RANBP10: variants seen among roughly 807,000 people sequenced by gnomAD.
The protein encoded by RANBP10 is RAN binding protein 10, also known as ran-binding protein 10.
A neutral mutation model predicts 72.8 loss-of-function variants in RANBP10; 24 were observed. The observed-to-expected ratio is 0.33, with a 90% CI of 0.24 to 0.46. RANBP10 has a LOEUF of 0.46. Among genes scored for constraint, RANBP10 ranks in the 20% least tolerant of loss-of-function variants. The pLI, the probability that RANBP10 is intolerant of heterozygous loss-of-function variation, is 1.00. For missense variants in RANBP10, 679 were observed against 817.5 expected (o/e 0.83, Z 2.07); for synonymous variants, 310 against 322.3 (o/e 0.96, Z 0.41).
In RANBP10 at chr16:67,729,189, G is replaced by A; in HGVS notation, c.1352+91C>T. ...GCACAGACCTGAGATGGAGGCTGGG[G>A]GTGAAGGGCAGGGCGCTCAAAGGAC... On this transcript the variant is annotated intron_variant, in intron 10 of 13. Coordinates refer to ENST00000317506, the MANE Select transcript of RANBP10 (RefSeq NM_020850.3). The surrounding 1 kb of genome is among the most constrained non-coding windows in gnomAD (Gnocchi z 7.1). 3 of 1,547,604 alleles carry A rather than the reference G, an allele frequency of 1.9e-6. No individual in the cohort carries two copies. The highest frequency in any genetic ancestry group is 2.6e-6 in the Non-Finnish European group (3 of 1,147,002).
chr16:67,781,095 C>T (rs2054801504), intron 2 of RANBP10, among the ~76,000 whole-genome samples: 1 of 152,220 alleles, frequency 6.6e-6, no homozygotes, highest in South Asian at 2.1e-4. Context: ...CCAAAGCAGC[C>T]ATTCAACAGG....
intron 2 of RANBP10, among the ~76,000 whole-genome samples, chr16:67,776,937 C>A (rs986269969): frequency 6.6e-6 from 1 of 151,852 alleles, no homozygotes; most frequent in African/African-American, 2.4e-5. Flanking sequence ...TTAAGCTGGG[C>A]ACGGTGGCTC....
At chr16:67,784,343 G>A (rs1003184090) in intron 2 of RANBP10, among the ~76,000 whole-genome samples, 5 of 152,122 alleles carry the variant, frequency 3.3e-5, no homozygotes, top group African/African-American at 7.2e-5. Flanking sequence ...CCAACATGGT[G>A]AAACCCTATC....
chr16:67,734,802 A>G, intron 6 of RANBP10, 56 bp downstream of exon 6: 1 of 1,438,768 alleles, frequency 7.0e-7, no homozygotes, highest in Non-Finnish European at 9.2e-7. Flanking sequence ...AGGGGCCTAG[A>G]GTGAAGTGGG....
intron 2 of RANBP10, among the ~76,000 whole-genome samples, chr16:67,778,953 C>CGTG (rs1402067430): frequency 6.6e-6 from 1 of 151,910 alleles, no homozygotes; most frequent in Non-Finnish European, 1.5e-5. Context: ...ATCAGCTGGG[C>CGTG]GTGGTGGTGC....
chr16:67,763,909 C>A (rs2054447973), intron 3 of RANBP10, among the ~76,000 whole-genome samples: 1 of 152,148 alleles, frequency 6.6e-6, no homozygotes, highest in African/African-American at 2.4e-5. Flanking sequence ...GTTGGCCAGG[C>A]TAGTCTTGAA....
chr16:67,749,585 G>C (rs2054155580), intron 3 of RANBP10, among the ~76,000 whole-genome samples: 1 of 152,212 alleles, frequency 6.6e-6, no homozygotes, highest in Non-Finnish European at 1.5e-5. Context: ...CATCAACTCA[G>C]CTCCTAAGCT....
At position 67,730,308 on chromosome 16, in the gene RANBP10, G is replaced by C. The variant is rs1214180584; in HGVS notation, c.890-262C>G. Among the ~76,000 whole-genome samples the C allele has an allele frequency of 6.6e-6, 1 of 152,166 alleles. No individual in the cohort carries two copies. The highest frequency in any genetic ancestry group is 1.5e-5 in the Non-Finnish European group (1 of 68,024). On this transcript the variant is annotated intron_variant, in intron 7 of 13. Coordinates refer to ENST00000317506, the MANE Select transcript of RANBP10 (RefSeq NM_020850.3). The surrounding 1 kb of genome is among the most constrained non-coding windows in gnomAD (Gnocchi z 4.3). ...GCCCAAAGGCAGGAGGGTAAATGTG[G>C]AGGTCTGCTCCTGCGGGGCACATGG...
Position 67,731,466 on chromosome 16 carries a change from C to A in RANBP10, c.889+6G>T. 3 of 1,603,378 alleles carry A rather than the reference C, an allele frequency of 1.9e-6. No individual in the cohort carries two copies. The highest frequency in any genetic ancestry group is 2.6e-6 in the Non-Finnish European group (3 of 1,170,238). Reference sequence around the variant, plus strand: ...AAGGGAAAGGGGAAAGTAGAATAAACCTTACTTTGTCTGTTCTTTATGGAC... The same window carrying A: ...AAGGGAAAGGGGAAAGTAGAATAAAACTTACTTTGTCTGTTCTTTATGGAC... On this transcript the variant is annotated splice_donor_region_variant and intron_variant, in intron 7 of 13. Coordinates refer to ENST00000317506, the MANE Select transcript of RANBP10 (RefSeq NM_020850.3).
At chr16:67,733,498 T>C (rs1396558287) in intron 6 of RANBP10, among the ~76,000 whole-genome samples, 2 of 152,196 alleles carry the variant, frequency 1.3e-5, no homozygotes, top group African/African-American at 4.8e-5. Context: ...TACCTGACCT[T>C]CCACTAGAGG....
chr16:67,806,074 G>A (rs1177162808), intron 1 of RANBP10, among the ~76,000 whole-genome samples: 2 of 152,240 alleles, frequency 1.3e-5, no homozygotes, highest in Non-Finnish European at 2.9e-5. Flanking sequence ...GCCCAGCACT[G>A]GGTTTGGACA....
rs2053558396 is a variant in RANBP10 at position 67,723,416 on chromosome 16, G to A, written c.*3012C>T. On this transcript the variant is annotated 3_prime_UTR_variant, in exon 14 of 14. Coordinates refer to ENST00000317506, the MANE Select transcript of RANBP10 (RefSeq NM_020850.3). ...GCTCCGCTGCCTGGCTGCCACATGG[G>A]TGCATACCTGAGTTGTGAGCAACCA... 6.5e-6 allele frequency: 1 copy of A among 152,710 alleles called. No homozygotes were observed. The highest frequency in any genetic ancestry group is 1.5e-5 in the Non-Finnish European group (1 of 68,082). 9.5% of individuals were successfully genotyped at this position (152,710 alleles called of 1,614,324 possible).
intron 3 of RANBP10, among the ~76,000 whole-genome samples, chr16:67,747,831 T>TC (rs1370188659): frequency 6.7e-6 from 1 of 148,782 alleles, no homozygotes; most frequent in African/African-American, 2.5e-5. Context: ...TTTTTTTTTT[T>TC]TTTTTTTAAG....
intron 2 of RANBP10, among the ~76,000 whole-genome samples, chr16:67,801,201 A>C (rs542281348): frequency 6.6e-6 from 1 of 152,286 alleles, no homozygotes; most frequent in South Asian, 2.1e-4. Flanking sequence ...CAGAAAAGCA[A>C]GTTTACAGAT....
Position 67,767,600 on chromosome 16 carries a change from A to ATT in RANBP10, c.400+4432_400+4433dup, listed in dbSNP as rs558839323. ...AACACAGGGAGACCTTGTCTCTACA[A>ATT]TTTTTTTTTTTTTTGAGACGGCGTC... is the stretch of plus-strand genomic sequence containing the variant. On this transcript the variant is annotated intron_variant, in intron 3 of 13. Transcript: ENST00000317506. Among the ~76,000 whole-genome samples the ATT allele has an allele frequency of 5.4e-4, 78 of 145,522 alleles. 1 individual carries two copies. Among genetic ancestry groups the ATT allele is most frequent in the East Asian group, 1.0e-3 (5 of 4,978 alleles).
chr16:67,805,338 T>C, intron 2 of RANBP10, 90 bp downstream of exon 2: 1 of 1,175,826 alleles, frequency 8.5e-7, no homozygotes, highest in South Asian at 1.4e-5. Flanking sequence ...CCAGCTCACA[T>C]CAGCAACAAG....
At chr16:67,737,380 T>C (rs924691635) in intron 5 of RANBP10, among the ~76,000 whole-genome samples, 5 of 151,740 alleles carry the variant, frequency 3.3e-5, no homozygotes, top group African/African-American at 1.2e-4. Flanking sequence ...TTTTTTGTAT[T>C]TTTAGTAGAG....
At position 67,725,770 on chromosome 16, in the gene RANBP10, T is replaced by C. The variant is rs2053585901; in HGVS notation, c.*658A>G. 2 of 152,402 alleles carry C rather than the reference T, an allele frequency of 1.3e-5. No homozygotes were observed. Among genetic ancestry groups the C allele is most frequent in the South Asian group, 4.2e-4 (2 of 4,812 alleles). The allele number at this position is 152,402 out of a possible 1,614,324, so 9.4% of individuals were successfully genotyped here. A position where few individuals can be genotyped will look rare whatever the true frequency, so the allele number is the denominator to read the frequency against. On this transcript the variant is annotated 3_prime_UTR_variant, in exon 14 of 14. Transcript: ENST00000317506. ...CCACTAAGTGGCCCACCAAACCCTATTTGGGTTTCCTAGGCTGCAGCTCGG... is the reference window on the plus strand; with the variant it reads ...CCACTAAGTGGCCCACCAAACCCTACTTGGGTTTCCTAGGCTGCAGCTCGG...
intron 3 of RANBP10, among the ~76,000 whole-genome samples, chr16:67,763,843 C>G (rs552964571): frequency 6.6e-6 from 1 of 152,168 alleles, no homozygotes; most frequent in Non-Finnish European, 1.5e-5. Context: ...TGTAGGCGCA[C>G]GCCACCACGC....
Sources: allele counts gnomAD v4.1 joint callset (sites outside exome capture counted in the v4.1 genomes callset), GRCh38; gene constraint gnomAD v4.1.1; non-coding constraint Gnocchi (gnomAD v3.1); transcripts MANE v1.5; gene names NCBI Gene and HGNC (gene_info 2026-07-23, HGNC 2026-07-21).